The following ERC2 variants were observed in gnomAD, a reference collection of about 807,000 sequenced individuals.
The protein encoded by ERC2 is ERC protein 2.
ERC2 carries 42 observed loss-of-function variants against 114.8 expected under a neutral mutation model. The observed-to-expected ratio is 0.37, with a 90% CI of 0.29 to 0.47. The LOEUF (loss-of-function observed/expected upper bound fraction) is 0.47, where lower values mean the gene tolerates loss of function less well. Among genes scored for constraint, ERC2 ranks in the 20% least tolerant of loss-of-function variants. The pLI, the probability that ERC2 is intolerant of heterozygous loss-of-function variation, is 0.99. For missense variants in ERC2, 939 were observed against 1,150.7 expected (o/e 0.82, Z 2.66); for synonymous variants, 454 against 425.5 (o/e 1.07, Z -0.82).
chr3:55,806,855 G>T (rs2059513677), intron 14 of ERC2, among the ~76,000 whole-genome samples: 1 of 152,208 alleles, frequency 6.6e-6, no homozygotes, highest in African/African-American at 2.4e-5. Context: ...GCTTCAGTGT[G>T]TTTATCTGTT....
At chr3:56,369,003 G>C (rs2059260131) in intron 2 of ERC2, among the ~76,000 whole-genome samples, 1 of 152,140 alleles carries the variant, frequency 6.6e-6, no homozygotes, top group African/African-American at 2.4e-5. Context: ...AGGATTCTCA[G>C]AGATCCTCTA....
chr3:55,655,245 T>C (rs1228724438), intron 17 of ERC2, among the ~76,000 whole-genome samples: 1 of 151,890 alleles, frequency 6.6e-6, no homozygotes, highest in Non-Finnish European at 1.5e-5. Context: ...CCCATTGCCT[T>C]ATTGATGTTT....
intron 12 of ERC2, among the ~76,000 whole-genome samples, chr3:55,976,425 C>T (rs562709314): frequency 2.0e-5 from 3 of 152,268 alleles, no homozygotes; most frequent in African/African-American, 7.2e-5. Flanking sequence ...ACTCCGAATG[C>T]CTTTTTTACA....
At chr3:55,988,331 C>CCTGT (rs1056423471) in intron 11 of ERC2, among the ~76,000 whole-genome samples, 3 of 151,998 alleles carry the variant, frequency 2.0e-5, no homozygotes, top group Non-Finnish European at 2.9e-5. Flanking sequence ...GAGCTGCCTG[C>CCTGT]AGTCCAAGGC....
intron 3 of ERC2, among the ~76,000 whole-genome samples, chr3:56,293,041 A>G (rs2055194382): frequency 6.6e-6 from 1 of 152,252 alleles, no homozygotes; most frequent in Non-Finnish European, 1.5e-5. Flanking sequence ...GCTATATCCC[A>G]AAACAGATCT....
chr3:55,711,517 G>T (rs1177918229), intron 15 of ERC2, among the ~76,000 whole-genome samples: 1 of 152,098 alleles, frequency 6.6e-6, no homozygotes, highest in Non-Finnish European at 1.5e-5. Context: ...ATCATTAATG[G>T]TTGCATGTTA....
At chr3:56,304,019 AAAAT>A (rs1213748859) in intron 2 of ERC2, among the ~76,000 whole-genome samples, 9 of 152,388 alleles carry the variant, frequency 5.9e-5, no homozygotes, top group East Asian at 5.8e-4. Context: ...AATGTTTAAG[AAAAT>A]AAATAAATAT....
At chr3:55,813,657 C>T (rs2059803781) in intron 14 of ERC2, among the ~76,000 whole-genome samples, 1 of 152,174 alleles carries the variant, frequency 6.6e-6, no homozygotes. Context: ...CTTCTCAGTA[C>T]TGGCTATTTT....
chr3:56,441,177 G>T (rs1463839250), intron 1 of ERC2, among the ~76,000 whole-genome samples: 1 of 152,164 alleles, frequency 6.6e-6, no homozygotes, highest in African/African-American at 2.4e-5. Flanking sequence ...ACACAGAACG[G>T]CCCTGGAAGA....
At chr3:56,250,046 C>T (rs914795777) in intron 3 of ERC2, among the ~76,000 whole-genome samples, 1 of 151,936 alleles carries the variant, frequency 6.6e-6, no homozygotes, top group East Asian at 1.9e-4. Flanking sequence ...TTAGTAGAGA[C>T]GGGGTTTCGC....
intron 14 of ERC2, among the ~76,000 whole-genome samples, chr3:55,861,340 T>C (rs1021199883): frequency 3.3e-5 from 5 of 152,202 alleles, no homozygotes; most frequent in South Asian, 2.1e-4. Context: ...CCCCAAGATA[T>C]GCACATAGCT....
At chr3:56,237,459 G>C (rs542110225) in intron 3 of ERC2, among the ~76,000 whole-genome samples, 1 of 152,280 alleles carries the variant, frequency 6.6e-6, no homozygotes, top group South Asian at 2.1e-4. Context: ...ATTGAGAAAG[G>C]ACACGTTTTC....
chr3:56,459,166 A>G (rs1031966859), intron 1 of ERC2, among the ~76,000 whole-genome samples: 3 of 152,140 alleles, frequency 2.0e-5, no homozygotes, highest in Non-Finnish European at 4.4e-5. Flanking sequence ...CACCTATCTT[A>G]TTATAGAGAA....
chr3:55,610,956 T>C (rs1195873180), intron 17 of ERC2: 1 of 152,198 alleles, frequency 6.6e-6, no homozygotes, highest in Non-Finnish European at 1.5e-5. Flanking sequence ...TTGCTGGGTT[T>C]CCGGGATTCA....
At chr3:56,121,516 TTTAAG>T (rs2079573402) in intron 6 of ERC2, among the ~76,000 whole-genome samples, 1 of 152,210 alleles carries the variant, frequency 6.6e-6, no homozygotes, top group Non-Finnish European at 1.5e-5. Context: ...ACTTAAGTTA[TTTAAG>T]TTTTTTATAT....
intron 13 of ERC2, 26 bp downstream of exon 13, chr3:55,950,399 G>T: frequency 6.2e-7 from 1 of 1,611,226 alleles, no homozygotes; most frequent in Non-Finnish European, 8.5e-7. Flanking sequence ...GTTATTTAGC[G>T]ATTAAGAAGA....
At chr3:55,537,782 T>C (rs1003450147) in intron 17 of ERC2, among the ~76,000 whole-genome samples, 2 of 150,166 alleles carry the variant, frequency 1.3e-5, no homozygotes, top group Non-Finnish European at 2.9e-5. Flanking sequence ...ACACAGGTCA[T>C]GAGGACACAT....
chr3:56,116,052 C>T (rs1442030278), intron 6 of ERC2, among the ~76,000 whole-genome samples: 1 of 152,194 alleles, frequency 6.6e-6, no homozygotes, highest in Non-Finnish European at 1.5e-5. Flanking sequence ...CATGTTTCTC[C>T]TCCCTCTCTC....
rs191413794 is a variant in ERC2, at chr3:56,032,652, T to A, written c.1642-13621A>T. Among the ~76,000 whole-genome samples the A allele has an allele frequency of 2.7e-4, 41 of 151,900 alleles. 1 individual carries two copies. The East Asian group carries it at 7.0e-3, about 26-fold the overall frequency. ...AAAGCATCAAGAGAAAAGTGATTCA[T>A]CACATAAAAAGGAATTTCCTTAAGA... On this transcript the variant is annotated intron_variant, in intron 7 of 17. Coordinates refer to ENST00000288221, the MANE Select transcript of ERC2 (RefSeq NM_015576.3).
Sources: gnomAD v4.1 joint callset for allele counts (sites outside exome capture counted in the v4.1 genomes callset) on GRCh38, gnomAD v4.1.1 for gene constraint, MANE v1.5 for transcripts, NCBI Gene and HGNC (gene_info 2026-07-23, HGNC 2026-07-21) for gene names.